Variants in UMPS observed in about 807,000 individuals in gnomAD.
UMPS encodes uridine 5'-monophosphate synthase.
In UMPS, 21 loss-of-function variants were observed where a neutral mutation model predicts 38.9. The observed-to-expected ratio is 0.54, with a 90% CI of 0.38 to 0.78. UMPS has a LOEUF of 0.78. UMPS is among the 30% of genes least tolerant of loss of function. The probability of loss-of-function intolerance (pLI) is 0.00; values close to 1 mark genes in which losing one functional copy is unlikely to be tolerated. For synonymous variants in UMPS, 208 were observed against 219.3 expected (o/e 0.95, Z 0.45); for missense variants, 533 against 591.6 (o/e 0.90, Z 1.03).
intron 2 of UMPS, chr3:124,737,346 A>G: frequency 1.9e-6 from 1 of 529,104 alleles, no homozygotes; most frequent in Non-Finnish European, 3.3e-6. Context: ...TACTTGATTT[A>G]CTATAAATAT....
In UMPS at chr3:124,738,137, G is replaced by A; in HGVS notation, c.880G>A (p.Val294Met). 6.2e-7 allele frequency: 1 copy of A among 1,614,216 alleles called. No homozygotes were observed. Among genetic ancestry groups the A allele is most frequent in the Non-Finnish European group, 8.5e-7 (1 of 1,180,036 alleles). Residue 294 changes from valine (V) to methionine (M), a missense_variant, in exon 3 of 6, where the codon GTG becomes ATG. Physicochemically the swap from Val to Met is conservative, Grantham distance 21. Transcript: ENST00000232607. ...VDILNDFTLD[V>M]MKELITLAKC... ...TATTTTGAATGATTTTACTCTGGAT[G>A]TGATGAAGGAGTTGATAACTCTGGC...
rs2063607185 is a variant in UMPS, at chr3:124,747,068, G to C, written c.*2984G>C. Reference sequence around the variant, plus strand: ...TGTTGCCCAGGCTGGAGTATATCATGGCTCACTGCAACCTTGACTTGGGCT... The same window carrying C: ...TGTTGCCCAGGCTGGAGTATATCATCGCTCACTGCAACCTTGACTTGGGCT... On this transcript the variant is annotated 3_prime_UTR_variant, in exon 6 of 6. Coordinates refer to ENST00000232607, the MANE Select transcript of UMPS (RefSeq NM_000373.4). 2 of 453,442 alleles carry C rather than the reference G, an allele frequency of 4.4e-6. No individual in the cohort carries two copies. The highest frequency in any genetic ancestry group is 8.8e-6 in the Non-Finnish European group (2 of 226,458). The allele number at this position is 453,442 out of a possible 1,614,324, so 28.1% of individuals were successfully genotyped here.
rs1293065469 is a variant in UMPS, at chr3:124,747,635, G to A, written c.*3551G>A. ...AGCCTGGGAGCGTGATAAATGCTTA[G>A]TAGTGCATGCCATGGAGTTCCAGGG... On this transcript the variant is annotated 3_prime_UTR_variant, in exon 6 of 6. Transcript: ENST00000232607. 1 of 452,544 alleles carries A rather than the reference G, an allele frequency of 2.2e-6. No individual in the cohort carries two copies. Among genetic ancestry groups the A allele is most frequent in the East Asian group, 7.0e-5 (1 of 14,362 alleles). The allele number at this position is 452,544 out of a possible 1,614,324, so 28.0% of individuals were successfully genotyped here.
intron 2 of UMPS, among the ~76,000 whole-genome samples, chr3:124,737,035 G>A (rs2063522879): frequency 6.6e-6 from 1 of 152,166 alleles, no homozygotes; most frequent in Non-Finnish European, 1.5e-5. Flanking sequence ...GATGGAAAAA[G>A]GAATTATTTC....
At position 124,740,081 on chromosome 3, in the gene UMPS, G is replaced by C. The variant is rs1241195402; in HGVS notation, c.1040G>C (p.Gly347Ala). ...ADLVNAHVVP[G>A]SGVVKGLQEV... ...CTAGTAAATGCTCACGTGGTGCCAG[G>C]CTCAGGAGTTGTGAAAGGCCTGCAA... The change falls in exon 4 of 6, where the codon GGC becomes GCC. Residue 347 changes from glycine to alanine, a missense_variant. Coordinates refer to ENST00000232607, the MANE Select transcript of UMPS (RefSeq NM_000373.4). The C allele has an allele frequency of 1.2e-6, 2 of 1,613,980 alleles. No individual in the cohort carries two copies. Among genetic ancestry groups the C allele is most frequent in the African/African-American group, 2.7e-5 (2 of 74,878 alleles).
chr3:124,748,651 AC>A lies in UMPS; in HGVS notation c.*4570del, dbSNP rs1337030381. 6.6e-6 allele frequency: 3 copies of A among 453,954 alleles called. No individual in the cohort carries two copies. The highest frequency in any genetic ancestry group is 4.7e-5 in the South Asian group (3 of 64,456). The allele number at this position is 453,954 out of a possible 1,614,324, so 28.1% of individuals were successfully genotyped here. On this transcript the variant is annotated 3_prime_UTR_variant, in exon 6 of 6. Coordinates refer to ENST00000232607, the MANE Select transcript of UMPS (RefSeq NM_000373.4). ...GAAGGAGGGAGGAAGGGCAGTTGAC[AC>A]CCAAAATAAGGGTGGGGAACTGTCA... is the stretch of plus-strand genomic sequence containing the variant.
At chr3:124,735,271 T>C (rs775024642) in intron 2 of UMPS, 25 bp downstream of exon 2, 31 of 1,594,216 alleles carry the variant, frequency 1.9e-5, no homozygotes, top group Non-Finnish European at 2.7e-5. Context: ...ACATAAAGCA[T>C]GAAGTTAATT....
chr3:124,740,024 G>A lies in UMPS; in HGVS notation c.983G>A (p.Gly328Glu). ...TATCTTTTTTCCCCCTTCTTCTTAG[G>A]AGGTATCTTTAAAATAGCTTCCTGG... ...IGNTVKKQYEGGIFKIASWAD... is the reference protein window; with the variant it reads ...IGNTVKKQYEEGIFKIASWAD... Residue 328 changes from glycine (G) to glutamate (E), a missense_variant and splice_region_variant, in exon 4 of 6, where the codon GGA becomes GAA. Physicochemically the swap from Gly to Glu is moderately conservative, Grantham distance 98. Coordinates refer to ENST00000232607, the MANE Select transcript of UMPS (RefSeq NM_000373.4). The A allele has an allele frequency of 6.2e-7, 1 of 1,614,146 alleles. No homozygotes were observed. The highest frequency in any genetic ancestry group is 1.1e-5 in the South Asian group (1 of 91,082).
In UMPS at chr3:124,744,265, G is replaced by A. The variant is rs191520345; in HGVS notation, c.*181G>A. On this transcript the variant is annotated 3_prime_UTR_variant, in exon 6 of 6. Transcript: ENST00000232607. ...AAATATTGAGTAATTTGTAATCACC[G>A]CATTGATACTATAATAAGTTCATTC... 2.7e-4 allele frequency: 202 copies of A among 743,826 alleles called. No individual in the cohort carries two copies. The African/African-American group carries it at 3.1e-3, about 12-fold the overall frequency. 46.1% of individuals were successfully genotyped at this position (743,826 alleles called of 1,614,324 possible).
intron 5 of UMPS, 59 bp from the exon 6 acceptor site, chr3:124,743,854 CAT>C: frequency 6.2e-7 from 1 of 1,600,560 alleles, no homozygotes. Context: ...TCAGAGAAGT[CAT>C]GTGACAGGTT....
At position 124,744,973 on chromosome 3, in the gene UMPS, T is replaced by C. The variant is rs17843855; in HGVS notation, c.*889T>C. The C allele has an allele frequency of 8.5e-4, 388 of 454,096 alleles. 2 individuals carry two copies. Among genetic ancestry groups the C allele is most frequent in the African/African-American group, 5.8e-3 (289 of 50,108 alleles). The allele number at this position is 454,096 out of a possible 1,614,324, so 28.1% of individuals were successfully genotyped here. Reference sequence around the variant, plus strand: ...CTCCTGAGCTAGTATCTGGCTGTTATTTCAACAACCGGAGTTGGGGTTTGG... The same window carrying C: ...CTCCTGAGCTAGTATCTGGCTGTTACTTCAACAACCGGAGTTGGGGTTTGG... On this transcript the variant is annotated 3_prime_UTR_variant, in exon 6 of 6. Coordinates refer to ENST00000232607, the MANE Select transcript of UMPS (RefSeq NM_000373.4).
intron 1 of UMPS, among the ~76,000 whole-genome samples, chr3:124,730,966 TGAGA>T: frequency 6.6e-6 from 1 of 152,290 alleles, no homozygotes; most frequent in African/African-American, 2.4e-5. Context: ...TGGTGCCTCA[TGAGA>T]GTAATACCAG....
At position 124,747,122 on chromosome 3, in the gene UMPS, ACTCTCAAGTAG is replaced by A. The variant is rs1559910147; in HGVS notation, c.*3047_*3057del. On this transcript the variant is annotated 3_prime_UTR_variant, in exon 6 of 6. Transcript: ENST00000232607. ...GCGATCCGCTCAAGTAGCTGGAACT[ACTCTCAAGTAG>A]CTCTCAAGAGCCTCTCGAGTGGCTG... The A allele has an allele frequency of 1.5e-5, 7 of 453,732 alleles. No homozygotes were observed. The highest frequency in any genetic ancestry group is 2.6e-5 in the Non-Finnish European group (6 of 226,682). 28.1% of individuals were successfully genotyped at this position (453,732 alleles called of 1,614,324 possible).
Position 124,743,960 on chromosome 3 carries a change from G to A in UMPS, c.1319G>A (p.Gly440Asp), listed in dbSNP as rs924296211. The A allele has an allele frequency of 6.2e-7, 1 of 1,614,182 alleles. No individual in the cohort carries two copies. The highest frequency in any genetic ancestry group is 1.3e-5 in the African/African-American group (1 of 75,044). Residue 440 changes from glycine (G) to aspartate (D), a missense_variant, in exon 6 of 6, where the codon GGC (glycine) becomes GAC (aspartate). Transcript: ENST00000232607. Reference sequence around the variant, plus strand: ...TACAATAGCCCACAAGAAGTTATTGGCAAACGAGGTTCCGATATCATCATT... The same window carrying A: ...TACAATAGCCCACAAGAAGTTATTGACAAACGAGGTTCCGATATCATCATT... ...QQYNSPQEVI[G>D]KRGSDIIIVG...
chr3:124,735,349 GTTCT>G (rs1490725580), intron 2 of UMPS, 103 bp downstream of exon 2: 2 of 1,084,166 alleles, frequency 1.8e-6, no homozygotes, highest in Admixed American at 2.2e-5. Flanking sequence ...GTCATCTTGA[GTTCT>G]TTAAGTTGTT....
In UMPS at chr3:124,746,557, AG is replaced by A. The variant is rs575767354; in HGVS notation, c.*2474del. ...TTGAAGTATTTTGGAGGCATTAGAT[AG>A]TTTAACCCTTTCTCAGTCAAGGAAT... is the stretch of plus-strand genomic sequence containing the variant. On this transcript the variant is annotated 3_prime_UTR_variant, in exon 6 of 6. Transcript: ENST00000232607. The A allele has an allele frequency of 5.6e-4, 253 of 454,138 alleles. 1 individual carries two copies. The highest frequency in any genetic ancestry group is 4.8e-3 in the African/African-American group (241 of 50,132). The allele number at this position is 454,138 out of a possible 1,614,324, so 28.1% of individuals were successfully genotyped here.
At position 124,734,749 on chromosome 3, in the gene UMPS, A is replaced by G. The variant is rs138027917; in HGVS notation, c.157-344A>G. 7.0e-3 allele frequency among the ~76,000 whole-genome samples: 1,071 copies of G among 152,336 alleles called. 8 individuals carry two copies. The highest frequency in any genetic ancestry group is 0.024 in the African/African-American group (984 of 41,574). On this transcript the variant is annotated intron_variant, in intron 1 of 5. Transcript: ENST00000232607. ...AAAATAGTTACAATAGGCTGGGCGC[A>G]GTGGCTCACGCCTGTAATCCCAGCA...
intron 5 of UMPS, among the ~76,000 whole-genome samples, chr3:124,743,475 A>G (rs1435494613): frequency 1.3e-5 from 2 of 149,900 alleles, no homozygotes; most frequent in Non-Finnish European, 3.0e-5. Context: ...ATCTCTACTA[A>G]AAAATACAAA....
intron 1 of UMPS, among the ~76,000 whole-genome samples, chr3:124,732,204 C>T (rs2150891376): frequency 6.6e-6 from 1 of 152,332 alleles, no homozygotes; most frequent in Admixed American, 6.5e-5. Flanking sequence ...AGCCTATAGT[C>T]AGGGCAACTA....
Sources: gnomAD v4.1 joint callset for allele counts (sites outside exome capture counted in the v4.1 genomes callset) on GRCh38, gnomAD v4.1.1 for gene constraint, MANE v1.5 for transcripts, NCBI Gene and HGNC (gene_info 2026-07-23, HGNC 2026-07-21) for gene names.